The following NRG1 variants were observed in gnomAD, a reference collection of about 807,000 sequenced individuals.
The protein encoded by NRG1 is pro-neuregulin-1, membrane-bound isoform.
A neutral mutation model predicts 63.8 loss-of-function variants in NRG1; 18 were observed. The ratio of observed to expected loss-of-function variants is 0.28; its 90% CI spans 0.19 to 0.42. The LOEUF (loss-of-function observed/expected upper bound fraction) is 0.42, where lower values mean the gene tolerates loss of function less well. NRG1 is among the 10% of genes least tolerant of loss of function. The pLI, the probability that NRG1 is intolerant of heterozygous loss-of-function variation, is 1.00. For synonymous variants in NRG1, 302 were observed against 301.3 expected (o/e 1.00, Z -0.02); for missense variants, 762 against 814.7 (o/e 0.94, Z 0.79).
chr8:32,573,516 C>A (rs539678020), intron 1 of NRG1, among the ~76,000 whole-genome samples: 7 of 152,268 alleles, frequency 4.6e-5, no homozygotes, highest in Admixed American at 3.9e-4. Flanking sequence ...TTTGCTGTAG[C>A]AATATTCAAT....
At chr8:31,718,302 G>A (rs920463628) in intron 1 of NRG1, among the ~76,000 whole-genome samples, 1 of 151,954 alleles carries the variant, frequency 6.6e-6, no homozygotes, top group South Asian at 2.1e-4. Context: ...TACCTGCTTC[G>A]AAAAATGGGT....
chr8:32,386,422 G>A (rs1340000820), intron 1 of NRG1, among the ~76,000 whole-genome samples: 1 of 152,180 alleles, frequency 6.6e-6, no homozygotes, highest in Non-Finnish European at 1.5e-5. Context: ...AATTTGACTA[G>A]CTTATCTTTA....
chr8:32,485,036 T>C (rs754840332), intron 1 of NRG1, among the ~76,000 whole-genome samples: 1 of 152,190 alleles, frequency 6.6e-6, no homozygotes, highest in Non-Finnish European at 1.5e-5. Context: ...GAAATTGAAA[T>C]TGAAATTGAA....
chr8:32,567,272 A>C (rs565259715), intron 1 of NRG1, among the ~76,000 whole-genome samples: 2 of 152,374 alleles, frequency 1.3e-5, no homozygotes, highest in South Asian at 4.1e-4. Context: ...TTTATAAACC[A>C]AAATGTCAAT....
chr8:32,299,283 A>G (rs1430953761), intron 1 of NRG1, among the ~76,000 whole-genome samples: 2 of 152,196 alleles, frequency 1.3e-5, no homozygotes, highest in East Asian at 3.9e-4. Flanking sequence ...AACAGAAAGC[A>G]AAAACATGTT....
At position 32,382,969 on chromosome 8, in the gene NRG1, C is replaced by A. The variant is rs28428836; in HGVS notation, c.38-212859C>A. Among the ~76,000 whole-genome samples the A allele has an allele frequency of 9.3e-3, 1,406 of 151,892 alleles. 29 individuals carry two copies. The highest frequency in any genetic ancestry group is 0.032 in the African/African-American group (1,328 of 41,408). Reference sequence around the variant, plus strand: ...GGGCACAGTGGCTCACACCTGTAATCTCAGCACTTTGGAAGACTGAGGCAG... The same window carrying A: ...GGGCACAGTGGCTCACACCTGTAATATCAGCACTTTGGAAGACTGAGGCAG... On this transcript the variant is annotated intron_variant, in intron 1 of 10. Coordinates refer to the NRG1 transcript ENST00000519301.
chr8:31,941,657 A>C, intron 1 of NRG1, among the ~76,000 whole-genome samples: 1 of 152,112 alleles, frequency 6.6e-6, no homozygotes, highest in Admixed American at 6.6e-5. Context: ...AGTTTCCACC[A>C]AAAAGCTCCT....
chr8:32,659,146 C>CTTTTTTTTTTT (rs11408766), intron 5 of NRG1, among the ~76,000 whole-genome samples: 4 of 136,026 alleles, frequency 2.9e-5, no homozygotes, highest in Non-Finnish European at 3.1e-5. Context: ...CTTTTCTTTT[C>CTTTTTTTTTTT]TTTTTTTTTT....
In NRG1 at chr8:32,639,978, C is replaced by T. The variant is rs73590634; in HGVS notation, c.502+23093C>T. On this transcript the variant is annotated intron_variant, in intron 5 of 11. Coordinates refer to ENST00000356819, the Ensembl canonical transcript of NRG1. ...AATAAGATTGCACATTGGATATGTA[C>T]ATAAAAGCAAAATTATATCTTGCAT... Among the ~76,000 whole-genome samples, 621 of 152,270 alleles carry T rather than the reference C, an allele frequency of 4.1e-3. 3 individuals are homozygous for T. The highest frequency in any genetic ancestry group is 0.014 in the African/African-American group (580 of 41,564).
In NRG1 at chr8:32,563,417, T is replaced by G. The variant is rs1057345225; in HGVS notation, c.100+14591T>G. Among the ~76,000 whole-genome samples the G allele has an allele frequency of 3.3e-5, 5 of 152,252 alleles. No homozygotes were observed. In the South Asian group the frequency reaches 1.0e-3, roughly 31 times the overall value. ...TATCTTAGTGAACACCTAGAAGATT[T>G]GTTTAGGTATGTGAATTGTTTAGTG... On this transcript the variant is annotated intron_variant, in intron 1 of 11. Transcript: ENST00000356819.
chr8:32,534,570 A>C (rs1831773202), intron 1 of NRG1, among the ~76,000 whole-genome samples: 1 of 152,182 alleles, frequency 6.6e-6, no homozygotes, highest in Non-Finnish European at 1.5e-5. Flanking sequence ...AGGTAAGTCT[A>C]ATCAAATATG....
chr8:31,828,125 T>C (rs1287311095), intron 1 of NRG1, among the ~76,000 whole-genome samples: 1 of 152,256 alleles, frequency 6.6e-6, no homozygotes, highest in Non-Finnish European at 1.5e-5. Context: ...AGTTCACAGA[T>C]ATTTTGAAAG....
intron 1 of NRG1, among the ~76,000 whole-genome samples, chr8:31,807,924 T>C (rs1356628983): frequency 6.6e-6 from 1 of 150,734 alleles, no homozygotes; most frequent in Non-Finnish European, 1.5e-5. Context: ...AATTTCCTTC[T>C]TTTTTAAGGC....
At chr8:32,446,135 G>A (rs979336860) in intron 1 of NRG1, among the ~76,000 whole-genome samples, 3 of 152,130 alleles carry the variant, frequency 2.0e-5, no homozygotes, top group Admixed American at 6.5e-5. Context: ...CACTATTGGT[G>A]TCACACAAAA....
chr8:32,604,104 C>T (rs1844844147), intron 2 of NRG1, among the ~76,000 whole-genome samples: 1 of 152,166 alleles, frequency 6.6e-6, no homozygotes, highest in South Asian at 2.1e-4. Flanking sequence ...GAGAGGCGTA[C>T]TCAGGGCTGT....
chr8:32,068,693 C>T (rs1825277307), intron 1 of NRG1, among the ~76,000 whole-genome samples: 1 of 152,184 alleles, frequency 6.6e-6, no homozygotes. Context: ...CCCTCAAGCC[C>T]CTTGTTAACC....
Position 32,050,754 on chromosome 8 carries a change from G to T in NRG1, c.37+411323G>T, listed in dbSNP as rs571388675. ...CCTTTGACATGGCATTGTTTGAAAA[G>T]ATAAGAGGTTATCTTTGGGGAATTT... On this transcript the variant is annotated intron_variant, in intron 1 of 10. Coordinates refer to the NRG1 transcript ENST00000519301. Among the ~76,000 whole-genome samples the T allele has an allele frequency of 3.9e-4, 60 of 152,270 alleles. 1 individual carries two copies. In the South Asian group the frequency reaches 7.3e-3, roughly 18 times the overall value.
intron 1 of NRG1, among the ~76,000 whole-genome samples, chr8:31,992,004 T>C (rs1418734793): frequency 6.6e-6 from 1 of 151,864 alleles, no homozygotes; most frequent in African/African-American, 2.4e-5. Context: ...GGCGTCTAAA[T>C]GTTCAAAGAG....
chr8:32,264,220 A>C (rs1850677439), intron 1 of NRG1, among the ~76,000 whole-genome samples: 1 of 152,200 alleles, frequency 6.6e-6, no homozygotes. Flanking sequence ...ATGATTGTTT[A>C]TTGGGTATCT....
Sources: allele counts gnomAD v4.1 joint callset (sites outside exome capture counted in the v4.1 genomes callset), GRCh38; gene constraint gnomAD v4.1.1; transcripts MANE v1.5; gene names NCBI Gene and HGNC (gene_info 2026-07-23, HGNC 2026-07-21).